Variants in RARB observed in about 807,000 individuals in gnomAD.
RARB encodes retinoic acid receptor beta.
In RARB, 17 loss-of-function variants were observed where a neutral mutation model predicts 51.9. That is an observed-to-expected ratio of 0.33 (90% CI 0.22 to 0.49). RARB has a LOEUF of 0.49. Among genes scored for constraint, RARB ranks in the 20% least tolerant of loss-of-function variants. RARB has a pLI of 0.99. For synonymous variants in RARB, 215 were observed against 195.4 expected (o/e 1.10, Z -0.84); for missense variants, 369 against 550.8 (o/e 0.67, Z 3.30).
intron 2 of RARB, among the ~76,000 whole-genome samples, chr3:25,031,434 T>C (rs1373953127): frequency 6.6e-6 from 1 of 152,206 alleles, no homozygotes. Context: ...GAACTGATCA[T>C]TTTAGTGAAA....
chr3:25,247,540 C>T lies in RARB; in HGVS notation c.178+72965C>T, dbSNP rs540568376. Among the ~76,000 whole-genome samples, 90 of 152,312 alleles carry T rather than the reference C, an allele frequency of 5.9e-4. 1 individual carries two copies. The highest frequency in any genetic ancestry group is 2.1e-3 in the East Asian group (11 of 5,164). On this transcript the variant is annotated intron_variant, in intron 5 of 11. Transcript: ENST00000383772. Reference sequence around the variant, plus strand: ...GGCCAAATAGCTCCATCCCTCATGGCGTGGTCCCTCACAGATTCCCTTGTC... The same window carrying T: ...GGCCAAATAGCTCCATCCCTCATGGTGTGGTCCCTCACAGATTCCCTTGTC...
chr3:25,465,850 A>G (rs1253167326), intron 2 of RARB, among the ~76,000 whole-genome samples: 1 of 152,212 alleles, frequency 6.6e-6, no homozygotes, highest in Non-Finnish European at 1.5e-5. Flanking sequence ...ATAGGACAAA[A>G]TAAAATAATG....
At chr3:25,041,752 T>G (rs1698119107) in intron 2 of RARB, among the ~76,000 whole-genome samples, 1 of 152,042 alleles carries the variant, frequency 6.6e-6, no homozygotes, top group Non-Finnish European at 1.5e-5. Context: ...ATAAAATAAT[T>G]AAAACATTAT....
chr3:25,530,581 G>A (rs1336532636), intron 3 of RARB, among the ~76,000 whole-genome samples: 1 of 152,174 alleles, frequency 6.6e-6, no homozygotes, highest in East Asian at 1.9e-4. Flanking sequence ...GCCAGCCATG[G>A]CCAGAGTCTT....
chr3:25,216,133 A>G (rs1415686659), intron 5 of RARB, among the ~76,000 whole-genome samples: 2 of 152,132 alleles, frequency 1.3e-5, no homozygotes, highest in Non-Finnish European at 2.9e-5. Flanking sequence ...TTAAAGGTGG[A>G]CACCTCAAAC....
chr3:25,108,237 G>A (rs1202929774), intron 3 of RARB, among the ~76,000 whole-genome samples: 1 of 152,088 alleles, frequency 6.6e-6, no homozygotes, highest in African/African-American at 2.4e-5. Flanking sequence ...ATGGTTGATC[G>A]TGGGTGACTG....
chr3:24,898,107 G>A (rs1331179063), intron 2 of RARB, among the ~76,000 whole-genome samples: 1 of 152,100 alleles, frequency 6.6e-6, no homozygotes, highest in African/African-American at 2.4e-5. Flanking sequence ...AGGCCATGGA[G>A]TTAGGAGTCA....
At chr3:25,362,699 C>G (rs902926066) in intron 5 of RARB, among the ~76,000 whole-genome samples, 3 of 152,172 alleles carry the variant, frequency 2.0e-5, no homozygotes, top group Admixed American at 6.5e-5. Context: ...GGCACAGACC[C>G]TCATGGCTTC....
chr3:25,260,866 A>C (rs533494802), intron 5 of RARB, among the ~76,000 whole-genome samples: 4 of 152,294 alleles, frequency 2.6e-5, no homozygotes, highest in African/African-American at 9.6e-5. Flanking sequence ...GAACGTACTC[A>C]TTGGCTCACG....
intron 5 of RARB, among the ~76,000 whole-genome samples, chr3:25,255,801 T>G (rs1702850068): frequency 6.6e-6 from 1 of 152,120 alleles, no homozygotes. Context: ...AACAATAGTT[T>G]TAAAAAAATG....
intron 2 of RARB, among the ~76,000 whole-genome samples, chr3:25,475,959 G>A (rs995589683): frequency 5.9e-5 from 9 of 152,178 alleles, no homozygotes; most frequent in African/African-American, 2.2e-4. Flanking sequence ...CACACCATGT[G>A]TCCATTTTGG....
intron 4 of RARB, among the ~76,000 whole-genome samples, chr3:25,142,659 T>C (rs57259009): frequency 1.3e-5 from 2 of 151,894 alleles, no homozygotes; most frequent in South Asian, 2.1e-4. Flanking sequence ...ATCATTAGCT[T>C]TGGGGGAAAG....
intron 2 of RARB, among the ~76,000 whole-genome samples, chr3:25,040,394 C>T (rs1698087908): frequency 6.6e-6 from 1 of 152,096 alleles, no homozygotes; most frequent in South Asian, 2.1e-4. Flanking sequence ...GTTTCTTTTA[C>T]ATTATGATTG....
At chr3:25,579,220 A>G (rs1701068611) in intron 4 of RARB, among the ~76,000 whole-genome samples, 1 of 152,204 alleles carries the variant, frequency 6.6e-6, no homozygotes, top group Admixed American at 6.5e-5. Context: ...GGTTTATTGC[A>G]GTATATTTTA....
intron 4 of RARB, among the ~76,000 whole-genome samples, chr3:25,152,082 C>T (rs1387478675): frequency 6.6e-6 from 1 of 152,132 alleles, no homozygotes; most frequent in Non-Finnish European, 1.5e-5. Context: ...GACTGATTTA[C>T]ACTTGAGGCT....
At chr3:25,534,552 G>A (rs1699058901) in intron 3 of RARB, among the ~76,000 whole-genome samples, 1 of 152,132 alleles carries the variant, frequency 6.6e-6, no homozygotes, top group Admixed American at 6.5e-5. Context: ...GTATCTGGGT[G>A]TAACAGGTTC....
intron 1 of RARB, among the ~76,000 whole-genome samples, chr3:25,457,111 G>C (rs1694959103): frequency 6.6e-6 from 1 of 151,648 alleles, no homozygotes; most frequent in South Asian, 2.1e-4. Context: ...TTTTTAAAAT[G>C]GCAATTCCTA....
chr3:25,010,213 T>C (rs1041964453), intron 2 of RARB, among the ~76,000 whole-genome samples: 2 of 152,106 alleles, frequency 1.3e-5, no homozygotes, highest in Non-Finnish European at 2.9e-5. Flanking sequence ...CTCCATCAGA[T>C]TTTGTATCTT....
At chr3:24,923,608 G>T (rs1257704118) in intron 2 of RARB, among the ~76,000 whole-genome samples, 1 of 152,012 alleles carries the variant, frequency 6.6e-6, no homozygotes, top group African/African-American at 2.4e-5. Flanking sequence ...ATAAACCTCA[G>T]TGGACTTAGC....
Sources: allele counts gnomAD v4.1 joint callset (sites outside exome capture counted in the v4.1 genomes callset), GRCh38; gene constraint gnomAD v4.1.1; transcripts MANE v1.5; gene names NCBI Gene and HGNC (gene_info 2026-07-23, HGNC 2026-07-21).